The following PHGDH variants were observed in gnomAD, a reference collection of about 807,000 sequenced individuals.
PHGDH encodes phosphoglycerate dehydrogenase.
Under a neutral mutation model 52.6 loss-of-function variants are expected in PHGDH, and 50 were observed. That is an observed-to-expected ratio of 0.95 (90% CI 0.76 to 1.20). PHGDH has a LOEUF of 1.20. Among genes scored for constraint, PHGDH ranks in the 50% most tolerant of loss-of-function variants. The pLI is 0.00. For synonymous variants in PHGDH, 271 were observed against 280.5 expected (o/e 0.97, Z 0.34); for missense variants, 630 against 684.6 (o/e 0.92, Z 0.89).
intron 2 of PHGDH, among the ~76,000 whole-genome samples, chr1:119,722,282 C>T (rs769568652): frequency 1.1e-4 from 16 of 152,092 alleles, no homozygotes; most frequent in Non-Finnish European, 1.9e-4. Flanking sequence ...TCTGAGAGTC[C>T]GTTTATCTTA....
At chr1:119,723,659 T>C (rs1651273270) in intron 3 of PHGDH, among the ~76,000 whole-genome samples, 1 of 152,010 alleles carries the variant, frequency 6.6e-6, no homozygotes, top group Non-Finnish European at 1.5e-5. Flanking sequence ...GGTGCACTTC[T>C]CTTTACTCAT....
At chr1:119,737,081 G>A (rs1651971164) in intron 7 of PHGDH, 33 bp from the exon 8 acceptor site, 3 of 1,612,608 alleles carry the variant, frequency 1.9e-6, no homozygotes, top group Non-Finnish European at 2.5e-6. Context: ...CCAGTCCATG[G>A]CAGCCAACTT....
rs1321062616 is a variant in PHGDH at position 119,730,347 on chromosome 1, A to G, written c.510+3245A>G. On this transcript the variant is annotated intron_variant, in intron 5 of 11. Coordinates refer to ENST00000641023, the MANE Select transcript of PHGDH (RefSeq NM_006623.4). ...TAGATGTCAGATACCCGGACTATTT[A>G]AAGTTATGTTTTAATCATGTAATAA... 2.0e-5 allele frequency among the ~76,000 whole-genome samples: 3 copies of G among 152,350 alleles called. No individual in the cohort carries two copies. In the East Asian group the frequency reaches 5.8e-4, roughly 29 times the overall value.
chr1:119,714,953 A>G (rs477992), intron 1 of PHGDH, among the ~76,000 whole-genome samples: 105,099 of 152,092 alleles, frequency 0.69, 36,590 homozygotes, highest in East Asian at 0.94. Context: ...CTTACAATGA[A>G]CCTCAGTCAA....
intron 8 of PHGDH, among the ~76,000 whole-genome samples, chr1:119,738,279 C>T (rs587598065): frequency 6.6e-5 from 10 of 152,256 alleles, no homozygotes; most frequent in African/African-American, 1.4e-4. Context: ...GCAGGAGAGA[C>T]GGGGATTTTG....
chr1:119,718,209 T>C (rs941938041), intron 1 of PHGDH, among the ~76,000 whole-genome samples: 1 of 152,238 alleles, frequency 6.6e-6, no homozygotes, highest in Admixed American at 6.5e-5. Flanking sequence ...GTCTAAATGC[T>C]GTATTTGGAA....
rs1293278164 is a variant in PHGDH, at chr1:119,721,008, C to T, written c.139-162C>T. On this transcript the variant is annotated intron_variant, in intron 1 of 11. Transcript: ENST00000641023. ...TCAGCATGAGTCCTAGCCCACATTTCCCTAGTGAGTATACCAAAGATATCT... is the reference window on the plus strand; with the variant it reads ...TCAGCATGAGTCCTAGCCCACATTTTCCTAGTGAGTATACCAAAGATATCT... 4.0e-5 allele frequency: 30 copies of T among 746,238 alleles called. 2 individuals carry two copies. The South Asian group carries it at 4.1e-4, about 10-fold the overall frequency. 46.2% of individuals were successfully genotyped at this position (746,238 alleles called of 1,614,324 possible). A position where few individuals can be genotyped will look rare whatever the true frequency, so the allele number is the denominator to read the frequency against.
rs1490131002 is a variant in PHGDH, at chr1:119,721,408, A to G, written c.290+87A>G. 9 of 1,341,788 alleles carry G rather than the reference A, an allele frequency of 6.7e-6. No homozygotes were observed. In the African/African-American group the frequency reaches 1.1e-4, roughly 17 times the overall value. 83.1% of individuals were successfully genotyped at this position (1,341,788 alleles called of 1,614,324 possible). A position where few individuals can be genotyped will look rare whatever the true frequency, so the allele number is the denominator to read the frequency against. ...CCTAGGGAGAAAAAACTCACTTGAG[A>G]GAAAGCTGAGTCCATTGGAAGGGCT... On this transcript the variant is annotated intron_variant, in intron 2 of 11. Coordinates refer to ENST00000641023, the MANE Select transcript of PHGDH (RefSeq NM_006623.4).
Position 119,712,044 on chromosome 1 carries a change from A to T in PHGDH, c.22A>T (p.Lys8Ter), listed in dbSNP as rs1650717188. The T allele has an allele frequency of 1.2e-6, 2 of 1,614,052 alleles. No individual in the cohort carries two copies. The highest frequency in any genetic ancestry group is 2.7e-5 in the African/African-American group (2 of 74,920). The change falls in exon 1 of 12, where the codon AAA (lysine) becomes TAA (stop). Residue 8 changes from lysine to a stop codon, truncating the protein, a stop_gained. Transcript: ENST00000641023. LOFTEE classifies it high-confidence loss of function. MAFANLRKVLISDSLDPC... is the reference protein window; with the variant it reads MAFANLR ...AGCAATGGCTTTTGCAAATCTGCGG[A>T]AAGTGCTCATCAGTGACAGCCTGGA...
At position 119,721,157 on chromosome 1, in the gene PHGDH, T is replaced by C. The variant is rs894078; in HGVS notation, c.139-13T>C. On this transcript the variant is annotated splice_polypyrimidine_tract_variant and intron_variant, in intron 1 of 11. Transcript: ENST00000641023. ...GAATGACTTTCTGGACCCAAATGTT[T>C]TTTCTGCTTCAGGACTGTGAAGGCC... 3.1e-3 allele frequency: 4,938 copies of C among 1,613,970 alleles called. 108 individuals are homozygous for C. The African/African-American group carries it at 0.05, about 16-fold the overall frequency.
chr1:119,741,018 G>A (rs889178529), intron 9 of PHGDH, among the ~76,000 whole-genome samples: 23 of 152,164 alleles, frequency 1.5e-4, no homozygotes, highest in Non-Finnish European at 2.4e-4. Flanking sequence ...ACCTTGGGCC[G>A]TCTGACAGCC....
chr1:119,737,229 T>C lies in PHGDH; in HGVS notation c.908T>C (p.Phe303Ser). 1 of 1,614,126 alleles carries C rather than the reference T, an allele frequency of 6.2e-7. No individual in the cohort carries two copies. ...SRCGEEIAVQFVDMVKGKSLT... is the reference protein window; with the variant it reads ...SRCGEEIAVQSVDMVKGKSLT... ...TGTGGGGAGGAAATTGCTGTTCAGT[T>C]CGTGGACATGGTGAAGGGGAAATCT... is the stretch of plus-strand genomic sequence containing the variant. The change falls in exon 8 of 12, where the codon TTC becomes TCC. Residue 303 changes from phenylalanine (F) to serine (S), a missense_variant. By Grantham distance (155) the Phe-to-Ser change is radical (BLOSUM62 -2). Coordinates refer to ENST00000641023, the MANE Select transcript of PHGDH (RefSeq NM_006623.4).
chr1:119,726,543 T>G, intron 3 of PHGDH: 2 of 480,876 alleles, frequency 4.2e-6, no homozygotes, highest in Non-Finnish European at 3.8e-6. Flanking sequence ...CCCTGGAGGA[T>G]TGGCGATCGC....
chr1:119,732,753 A>G (rs1571006434), intron 5 of PHGDH, among the ~76,000 whole-genome samples: 1 of 151,148 alleles, frequency 6.6e-6, no homozygotes, highest in South Asian at 2.1e-4. Flanking sequence ...CCTCTCCCCA[A>G]CCCCCTCCCT....
chr1:119,717,861 G>A (rs1650999423), intron 1 of PHGDH, among the ~76,000 whole-genome samples: 1 of 152,114 alleles, frequency 6.6e-6, no homozygotes, highest in Non-Finnish European at 1.5e-5. Context: ...GCAATTTTCA[G>A]GCATGTGAAG....
In PHGDH at chr1:119,741,784, G is replaced by T. The variant is rs138515760; in HGVS notation, c.1096G>T (p.Ala366Ser). The T allele has an allele frequency of 4.0e-5, 64 of 1,613,310 alleles. No homozygotes were observed. Among genetic ancestry groups the T allele is most frequent in the Admixed American group, 3.8e-4 (23 of 59,998 alleles). Residue 366 changes from alanine to serine, a missense_variant, in exon 10 of 12, where the codon GCT becomes TCT. Coordinates refer to ENST00000641023, the MANE Select transcript of PHGDH (RefSeq NM_006623.4). ...GTCCCCAGGAACATCCCTGAAGAAT[G>T]CTGGGAACTGCCTAAGCCCCGCAGT... is the stretch of plus-strand genomic sequence containing the variant. ...VITQGTSLKN[A>S]GNCLSPAVIV... is the part of the protein sequence containing the mutation.
intron 5 of PHGDH, among the ~76,000 whole-genome samples, chr1:119,729,082 C>A (rs1471337733): frequency 1.3e-5 from 2 of 152,192 alleles, no homozygotes; most frequent in East Asian, 1.9e-4. Flanking sequence ...TGCCTCCACT[C>A]CCCATCTTAT....
chr1:119,734,773 G>T lies in PHGDH; in HGVS notation c.643+7G>T, dbSNP rs943894952. 16 of 1,614,020 alleles carry T rather than the reference G, an allele frequency of 9.9e-6. No homozygotes were observed. Among genetic ancestry groups the T allele is most frequent in the Non-Finnish European group, 1.3e-5 (15 of 1,179,978 alleles). ...CTCCTGCCCTCCACGACAGGTAGGTGTGTCCTTACATTGTGGATTGGTCAC... is the reference window on the plus strand; with the variant it reads ...CTCCTGCCCTCCACGACAGGTAGGTTTGTCCTTACATTGTGGATTGGTCAC... On this transcript the variant is annotated splice_region_variant and intron_variant, in intron 6 of 11. Transcript: ENST00000641023.
At chr1:119,730,700 T>G (rs1651654111) in intron 5 of PHGDH, among the ~76,000 whole-genome samples, 1 of 152,244 alleles carries the variant, frequency 6.6e-6, no homozygotes, top group South Asian at 2.1e-4. Flanking sequence ...AGATTGTGTA[T>G]AGATATGGAC....
Sources: gnomAD v4.1 joint callset for allele counts (sites outside exome capture counted in the v4.1 genomes callset) on GRCh38, gnomAD v4.1.1 for gene constraint, MANE v1.5 for transcripts, NCBI Gene and HGNC (gene_info 2026-07-23, HGNC 2026-07-21) for gene names.